SCOC: variants seen among roughly 807,000 people sequenced by gnomAD.
SCOC encodes the protein short coiled coil protein.
SCOC carries 7 observed loss-of-function variants against 9.9 expected under a neutral mutation model. The ratio of observed to expected loss-of-function variants is 0.71; its 90% CI spans 0.40 to 1.33. The LOEUF is 1.33. SCOC is among the 40% of genes most tolerant of loss of function. The pLI is 0.01. For missense variants in SCOC, 66 were observed against 89.7 expected (o/e 0.74, Z 1.07); for synonymous variants, 19 against 28.2 (o/e 0.67, Z 1.03).
chr4:140,337,205 G>A (rs180673489), intron 1 of SCOC, among the ~76,000 whole-genome samples: 21 of 152,156 alleles, frequency 1.4e-4, no homozygotes, highest in Admixed American at 1.2e-3. Context: ...TCACATTCTC[G>A]ATAATGTCTT....
chr4:140,357,143 T>A (rs1727265978), intron 2 of SCOC, among the ~76,000 whole-genome samples: 1 of 152,154 alleles, frequency 6.6e-6, no homozygotes, highest in South Asian at 2.1e-4. Context: ...CTAATTTTTG[T>A]ACTTTTTTTT....
chr4:140,311,740 T>G (rs1176223622), intron 1 of SCOC, among the ~76,000 whole-genome samples: 1 of 152,218 alleles, frequency 6.6e-6, no homozygotes, highest in Non-Finnish European at 1.5e-5. Flanking sequence ...TAAACTCTTT[T>G]GGTCTTACAT....
chr4:140,370,404 A>G (rs1277054898), upstream of SCOC, among the ~76,000 whole-genome samples: 2 of 152,224 alleles, frequency 1.3e-5, no homozygotes. Context: ...CAGGTCTTCT[A>G]TATCAATAGT....
At chr4:140,295,803 C>T (rs928954311) in intron 1 of SCOC, among the ~76,000 whole-genome samples, 2 of 151,846 alleles carry the variant, frequency 1.3e-5, no homozygotes, top group African/African-American at 4.8e-5. Context: ...CGGTGGCGGG[C>T]GCCTGTAGTC....
intron 1 of SCOC, among the ~76,000 whole-genome samples, chr4:140,306,340 A>G (rs1022129868): frequency 1.3e-5 from 2 of 152,206 alleles, no homozygotes; most frequent in Admixed American, 1.3e-4. Flanking sequence ...ACAAGTGGGA[A>G]TTAGGGGAGC....
intron 1 of SCOC, among the ~76,000 whole-genome samples, chr4:140,377,923 G>A (rs1322371973): frequency 6.6e-6 from 1 of 152,158 alleles, no homozygotes; most frequent in Non-Finnish European, 1.5e-5. Context: ...ACAGGTCTAG[G>A]TTGCTTCAAT....
intron 1 of SCOC, among the ~76,000 whole-genome samples, chr4:140,315,255 A>G (rs1045186488): frequency 2.0e-5 from 3 of 152,362 alleles, no homozygotes; most frequent in Middle Eastern, 6.8e-3. Flanking sequence ...AGTAGTAGAC[A>G]GTAGCTTAGG....
At chr4:140,332,331 T>C (rs1012234800) in intron 1 of SCOC, among the ~76,000 whole-genome samples, 2 of 151,274 alleles carry the variant, frequency 1.3e-5, no homozygotes, top group Admixed American at 1.3e-4. Context: ...CCCTTTTTAG[T>C]TGCTCATGCC....
intron 1 of SCOC, among the ~76,000 whole-genome samples, chr4:140,327,260 A>G (rs1331558699): frequency 6.6e-6 from 1 of 152,206 alleles, no homozygotes; most frequent in Non-Finnish European, 1.5e-5. Flanking sequence ...ATTATGTGGG[A>G]AGGCTCTGCT....
intron 2 of SCOC, among the ~76,000 whole-genome samples, chr4:140,354,645 G>C (rs182938644): frequency 6.6e-6 from 1 of 150,390 alleles, no homozygotes; most frequent in Non-Finnish European, 1.5e-5. Flanking sequence ...AAAGGAATTC[G>C]ACAAATTCGT....
At chr4:140,259,686 G>A (rs1730586259) in intron 1 of SCOC, among the ~76,000 whole-genome samples, 1 of 152,204 alleles carries the variant, frequency 6.6e-6, no homozygotes. Flanking sequence ...TCCAGCCTGG[G>A]TGACAGAGTG....
At chr4:140,342,487 T>C (rs533966180), upstream of SCOC, among the ~76,000 whole-genome samples, 18 of 152,194 alleles carry the variant, frequency 1.2e-4, no homozygotes, top group Non-Finnish European at 2.2e-4. Flanking sequence ...CAGAATATAA[T>C]TGAAAAATTG....
intron 1 of SCOC, among the ~76,000 whole-genome samples, chr4:140,303,302 T>C (rs1270891896): frequency 6.6e-6 from 1 of 152,230 alleles, no homozygotes. Flanking sequence ...ATGTTACCCA[T>C]GAATAATTTT....
intron 1 of SCOC, among the ~76,000 whole-genome samples, chr4:140,263,869 A>G (rs1730681617): frequency 6.6e-6 from 1 of 152,152 alleles, no homozygotes; most frequent in African/African-American, 2.4e-5. Context: ...GAGAAACAGG[A>G]CAGAATAAGT....
At chr4:140,316,601 G>A (rs920265302) in intron 1 of SCOC, among the ~76,000 whole-genome samples, 1 of 152,154 alleles carries the variant, frequency 6.6e-6, no homozygotes. Context: ...AAAAGGGAGT[G>A]AGTGTGTGGA....
chr4:140,335,277 C>G (rs2126499975), intron 1 of SCOC, among the ~76,000 whole-genome samples: 1 of 152,278 alleles, frequency 6.6e-6, no homozygotes, highest in East Asian at 1.9e-4. Flanking sequence ...TCTGCCACTT[C>G]CTGGCTGTGG....
intron 1 of SCOC, among the ~76,000 whole-genome samples, chr4:140,265,401 G>A (rs1730711890): frequency 6.6e-6 from 1 of 152,162 alleles, no homozygotes; most frequent in African/African-American, 2.4e-5. Context: ...TCTGTTAAAA[G>A]AAAAACTTCA....
At position 140,274,451 on chromosome 4, in the gene SCOC, C is replaced by T. The variant is rs115467097; in HGVS notation, c.-19+17041C>T. ...ATGACCTTCTCCAGTTATGAGGGGGCTCCTGATGAAGGCAAAAGGTTCACT... is the reference window on the plus strand; with the variant it reads ...ATGACCTTCTCCAGTTATGAGGGGGTTCCTGATGAAGGCAAAAGGTTCACT... On this transcript the variant is annotated intron_variant, in intron 1 of 4. Transcript: ENST00000394205. Among the ~76,000 whole-genome samples, 952 of 152,178 alleles carry T rather than the reference C, an allele frequency of 6.3e-3. 6 individuals carry two copies. The highest frequency in any genetic ancestry group is 0.022 in the African/African-American group (910 of 41,510).
At chr4:140,280,637 A>G (rs1008629891) in intron 1 of SCOC, among the ~76,000 whole-genome samples, 5 of 152,198 alleles carry the variant, frequency 3.3e-5, no homozygotes, top group Admixed American at 2.6e-4. Context: ...GGTAAGGCAG[A>G]TGTTTGTCAA....
Sources: gnomAD v4.1 joint callset for allele counts (sites outside exome capture counted in the v4.1 genomes callset) on GRCh38, gnomAD v4.1.1 for gene constraint, MANE v1.5 for transcripts, NCBI Gene and HGNC (gene_info 2026-07-23, HGNC 2026-07-21) for gene names.